The following ARIH1 variants were observed in gnomAD, a reference collection of about 807,000 sequenced individuals.
The protein encoded by ARIH1 is E3 ubiquitin-protein ligase ARIH1.
ARIH1 carries 8 observed loss-of-function variants against 85.0 expected under a neutral mutation model. The ratio of observed to expected loss-of-function variants is 0.09; its 90% CI spans 0.06 to 0.17. ARIH1 has a LOEUF of 0.17. Among genes scored for constraint, ARIH1 ranks in the 10% least tolerant of loss-of-function variants. The probability of loss-of-function intolerance (pLI) is 1.00; values close to 1 mark genes in which losing one functional copy is unlikely to be tolerated. For synonymous variants in ARIH1, 238 were observed against 253.6 expected, an observed-to-expected ratio of 0.94 and a Z score of 0.59; for missense variants, 311 against 718.1, an observed-to-expected ratio of 0.43 and a Z score of 6.48.
Position 72,586,567 on chromosome 15 carries a change from A to T in ARIH1, c.*3275A>T, listed in dbSNP as rs1216904250. ...CTTTTATTTTGTTATTCCATTAGTTACTTATGTTTATTTTTATAGTTAAAA... is the reference window on the plus strand; with the variant it reads ...CTTTTATTTTGTTATTCCATTAGTTTCTTATGTTTATTTTTATAGTTAAAA... On this transcript the variant is annotated 3_prime_UTR_variant, in exon 14 of 14. Coordinates refer to ENST00000379887, the MANE Select transcript of ARIH1 (RefSeq NM_005744.5). 6.6e-6 allele frequency: 1 copy of T among 152,186 alleles called. No individual in the cohort carries two copies. The highest frequency in any genetic ancestry group is 1.5e-5 in the Non-Finnish European group (1 of 68,022). The allele number at this position is 152,186 out of a possible 1,614,324, so 9.4% of individuals were successfully genotyped here.
rs2064362854 is a variant in ARIH1 at position 72,596,140 on chromosome 15, A to G, written c.*12848A>G. ...GGGCTACTACGCCTGGCCCTACTGC[A>G]GTTTTTAATAAGAGATGAGTTCTCT... is the stretch of plus-strand genomic sequence containing the variant. On this transcript the variant is annotated 3_prime_UTR_variant, in exon 14 of 14. Coordinates refer to ENST00000379887, the MANE Select transcript of ARIH1 (RefSeq NM_005744.5). 6.6e-6 allele frequency: 1 copy of G among 152,162 alleles called. No individual in the cohort carries two copies. Among genetic ancestry groups the G allele is most frequent in the Non-Finnish European group, 1.5e-5 (1 of 68,036 alleles). The allele number at this position is 152,162 out of a possible 1,614,324, so 9.4% of individuals were successfully genotyped here. A position where few individuals can be genotyped will look rare whatever the true frequency, so the allele number is the denominator to read the frequency against.
In ARIH1 at chr15:72,482,858, A is replaced by G. The variant is rs1472843416; in HGVS notation, c.375+7844A>G. Among the ~76,000 whole-genome samples the G allele has an allele frequency of 6.9e-5, 4 of 57,754 alleles. No individual in the cohort carries two copies. In the East Asian group the frequency reaches 2.6e-3, roughly 38 times the overall value. The allele number at this position is 57,754 out of a possible 152,430, so 37.9% of individuals were successfully genotyped here. On this transcript the variant is annotated intron_variant, in intron 1 of 13. Transcript: ENST00000379887. ...CTCTCTCTTTTTTTTTTTTTTTTTT[A>G]AAGACAGAGGCTTGCTGTGGTGCCC...
intron 1 of ARIH1, among the ~76,000 whole-genome samples, chr15:72,495,761 A>G (rs992974101): frequency 5.3e-5 from 8 of 151,952 alleles, no homozygotes; most frequent in Admixed American, 2.6e-4. Context: ...CTGTATCAAA[A>G]CACAATATTT....
chr15:72,493,451 A>G (rs1292413377), intron 1 of ARIH1, among the ~76,000 whole-genome samples: 1 of 152,160 alleles, frequency 6.6e-6, no homozygotes, highest in Non-Finnish European at 1.5e-5. Context: ...TGCTCAATTA[A>G]ATAAATATCA....
In ARIH1 at chr15:72,477,286, T is replaced by C. The variant is rs10468053; in HGVS notation, c.375+2272T>C. Among the ~76,000 whole-genome samples, 870 of 152,362 alleles carry C rather than the reference T, an allele frequency of 5.7e-3. 13 individuals carry two copies. The highest frequency in any genetic ancestry group is 0.02 in the African/African-American group (839 of 41,590). ...TGCCCCTCTTTGGGATATTTATCTC[T>C]TACTGGTTTGTAAGACTTCTTTCTA... On this transcript the variant is annotated intron_variant, in intron 1 of 13. Coordinates refer to ENST00000379887, the MANE Select transcript of ARIH1 (RefSeq NM_005744.5).
intron 11 of ARIH1, among the ~76,000 whole-genome samples, chr15:72,573,408 A>G (rs1214391709): frequency 2.6e-5 from 4 of 152,232 alleles, no homozygotes; most frequent in African/African-American, 9.6e-5. Flanking sequence ...TAAAAATACA[A>G]AAATTAGCTG....
At chr15:72,539,452 GAAA>G (rs34405871) in intron 2 of ARIH1, among the ~76,000 whole-genome samples, 1 of 145,008 alleles carries the variant, frequency 6.9e-6, no homozygotes, top group Non-Finnish European at 1.5e-5. Context: ...TGACAGAACA[GAAA>G]AAAAAAAGAA....
In ARIH1 at chr15:72,560,908, T is replaced by A. The variant is rs544318757; in HGVS notation, c.738-575T>A. On this transcript the variant is annotated intron_variant, in intron 5 of 13. Coordinates refer to ENST00000379887, the MANE Select transcript of ARIH1 (RefSeq NM_005744.5). ...CCTCACTACGTGGGATCCTGTGAAT[T>A]CTGGAAATTCTTGTGAGTTATAGTG... Among the ~76,000 whole-genome samples the A allele has an allele frequency of 6.6e-5, 10 of 152,310 alleles. No homozygotes were observed. In the South Asian group the frequency reaches 1.9e-3, roughly 28 times the overall value.
intron 9 of ARIH1, 40 bp downstream of exon 9, chr15:72,567,217 A>G (rs1264760033): frequency 1.3e-6 from 2 of 1,536,110 alleles, no homozygotes; most frequent in South Asian, 2.3e-5. Flanking sequence ...AATAAAAATG[A>G]TAAGGATTGG....
chr15:72,596,307 C>T lies in ARIH1; in HGVS notation c.*13015C>T, dbSNP rs1364584866. On this transcript the variant is annotated 3_prime_UTR_variant, in exon 14 of 14. Coordinates refer to ENST00000379887, the MANE Select transcript of ARIH1 (RefSeq NM_005744.5). ...TATTGTACTCAGGCCTCATTTGTTT[C>T]TGGTGAGAAGTCATTCATCATTTTA... 6.6e-6 allele frequency: 1 copy of T among 152,168 alleles called. No homozygotes were observed. The allele number at this position is 152,168 out of a possible 1,614,324, so 9.4% of individuals were successfully genotyped here.
At chr15:72,544,722 T>A in intron 2 of ARIH1, 98 bp from the exon 3 acceptor site, 1 of 1,096,324 alleles carries the variant, frequency 9.1e-7, no homozygotes, top group Non-Finnish European at 1.3e-6. Context: ...TTATTTTAAT[T>A]CAACTTCTTG....
chr15:72,599,357 T>A lies in ARIH1; in HGVS notation c.*16065T>A, dbSNP rs933207747. On this transcript the variant is annotated 3_prime_UTR_variant, in exon 14 of 14. Coordinates refer to ENST00000379887, the MANE Select transcript of ARIH1 (RefSeq NM_005744.5). ...GTTTTCAAAAGTAAAAGTACATGGA[T>A]AATACAAAGTTAAATTTTGTAGAAT... The A allele has an allele frequency of 6.6e-6, 1 of 152,204 alleles. No individual in the cohort carries two copies. Among genetic ancestry groups the A allele is most frequent in the African/African-American group, 2.4e-5 (1 of 41,446 alleles). 9.4% of individuals were successfully genotyped at this position (152,204 alleles called of 1,614,324 possible). A position where few individuals can be genotyped will look rare whatever the true frequency, so the allele number is the denominator to read the frequency against.
chr15:72,569,253 A>T (rs781138815), intron 9 of ARIH1, among the ~76,000 whole-genome samples: 16 of 152,300 alleles, frequency 1.1e-4, no homozygotes, highest in Admixed American at 2.6e-4. Flanking sequence ...AGCTGCAGTG[A>T]GCCATGATTG....
At position 72,594,811 on chromosome 15, in the gene ARIH1, C is replaced by CTTTTTTTTTTTTTTTTTTTTTTT. The variant is rs71137306; in HGVS notation, c.*11524_*11546dup. 9 of 79,616 alleles carry CTTTTTTTTTTTTTTTTTTTTTTT rather than the reference C, an allele frequency of 1.1e-4. 1 individual carries two copies. Among genetic ancestry groups the CTTTTTTTTTTTTTTTTTTTTTTT allele is most frequent in the African/African-American group, 2.4e-4 (4 of 16,414 alleles). The allele number at this position is 79,616 out of a possible 1,614,324, so 4.9% of individuals were successfully genotyped here. A position where few individuals can be genotyped will look rare whatever the true frequency, so the allele number is the denominator to read the frequency against. ...TTTTTCTGATTTTATGCCTTTTCTT[C>CTTTTTTTTTTTTTTTTTTTTTTT]TTTTTTTTTTTTTTTTTTTTTTTTT... On this transcript the variant is annotated 3_prime_UTR_variant, in exon 14 of 14. Transcript: ENST00000379887.
intron 12 of ARIH1, 50 bp downstream of exon 12, chr15:72,581,041 A>G (rs756788790): frequency 1.3e-6 from 2 of 1,554,458 alleles, no homozygotes; most frequent in Non-Finnish European, 1.7e-6. Flanking sequence ...TCATAGGTCT[A>G]CCTGATCTTT....
chr15:72,596,811 A>G lies in ARIH1; in HGVS notation c.*13519A>G, dbSNP rs986024918. 1.3e-5 allele frequency: 2 copies of G among 151,954 alleles called. No individual in the cohort carries two copies. Among genetic ancestry groups the G allele is most frequent in the African/African-American group, 4.8e-5 (2 of 41,380 alleles). The allele number at this position is 151,954 out of a possible 1,614,324, so 9.4% of individuals were successfully genotyped here. Reference sequence around the variant, plus strand: ...TGAATTATTCATTTCTAATATTTTTATTTCTAGCATTTCATTATATTTGTA... The same window carrying G: ...TGAATTATTCATTTCTAATATTTTTGTTTCTAGCATTTCATTATATTTGTA... On this transcript the variant is annotated 3_prime_UTR_variant, in exon 14 of 14. Coordinates refer to ENST00000379887, the MANE Select transcript of ARIH1 (RefSeq NM_005744.5).
At chr15:72,579,375 G>A (rs570201410) in intron 11 of ARIH1, among the ~76,000 whole-genome samples, 14 of 152,018 alleles carry the variant, frequency 9.2e-5, no homozygotes, top group Non-Finnish European at 1.6e-4. Context: ...TCAGTGGTTG[G>A]GGGGGGAGCC....
At chr15:72,521,778 A>C (rs2064001443) in intron 2 of ARIH1, among the ~76,000 whole-genome samples, 1 of 152,038 alleles carries the variant, frequency 6.6e-6, no homozygotes, top group Non-Finnish European at 1.5e-5. Flanking sequence ...CAAACTCCTG[A>C]CTTCAGGTGA....
intron 2 of ARIH1, among the ~76,000 whole-genome samples, chr15:72,536,726 A>G (rs2064083569): frequency 1.3e-5 from 2 of 152,176 alleles, no homozygotes; most frequent in Admixed American, 1.3e-4. Flanking sequence ...ACCTGCCTTC[A>G]TCCTGGCTCA....
Sources: allele counts gnomAD v4.1 joint callset (sites outside exome capture counted in the v4.1 genomes callset), GRCh38; gene constraint gnomAD v4.1.1; transcripts MANE v1.5; gene names NCBI Gene and HGNC (gene_info 2026-07-23, HGNC 2026-07-21).